The following ZYG11B variants were observed in gnomAD, a reference collection of about 807,000 sequenced individuals.
ZYG11B encodes protein zyg-11 homolog B.
ZYG11B carries 36 observed loss-of-function variants against 82.4 expected under a neutral mutation model. That is an observed-to-expected ratio of 0.44 (90% CI 0.33 to 0.58). ZYG11B has a LOEUF of 0.58. Ranked by LOEUF, ZYG11B falls within the 20% of genes least tolerant of loss-of-function variation. The pLI is 0.02. For synonymous variants in ZYG11B, 303 were observed against 312.8 expected (o/e 0.97, Z 0.33); for missense variants, 552 against 895.6 (o/e 0.62, Z 4.90).
chr1:52,744,877 G>A (rs1272093894), intron 1 of ZYG11B, among the ~76,000 whole-genome samples: 2 of 152,082 alleles, frequency 1.3e-5, no homozygotes, highest in African/African-American at 4.8e-5. Flanking sequence ...TCATTTTTGT[G>A]CCTCAGCTTT....
intron 10 of ZYG11B, among the ~76,000 whole-genome samples, chr1:52,802,477 A>G (rs1383705954): frequency 2.0e-5 from 3 of 149,716 alleles, no homozygotes; most frequent in African/African-American, 7.4e-5. Context: ...CAGTCTCCCT[A>G]GTAGGTGGGA....
chr1:52,786,486 C>A (rs1332137364), intron 5 of ZYG11B, among the ~76,000 whole-genome samples: 1 of 152,118 alleles, frequency 6.6e-6, no homozygotes. Context: ...CGGTGGCTCA[C>A]GCCTGTAATC....
intron 13 of ZYG11B, among the ~76,000 whole-genome samples, chr1:52,820,337 T>G (rs2149969196): frequency 6.6e-6 from 1 of 152,134 alleles, no homozygotes; most frequent in Admixed American, 6.6e-5. Context: ...TGGAATTCAC[T>G]TCTATTTGTA....
intron 8 of ZYG11B, 105 bp from the exon 9 acceptor site, chr1:52,801,714 C>T (rs934596434): frequency 2.2e-6 from 2 of 924,100 alleles, no homozygotes; most frequent in Non-Finnish European, 3.2e-6. Context: ...ACAGGAAATG[C>T]TTTAAGCCAT....
Position 52,732,554 on chromosome 1 carries a change from T to C in ZYG11B, c.30+5871T>C, listed in dbSNP as rs553348852. On this transcript the variant is annotated intron_variant, in intron 1 of 13. Transcript: ENST00000294353. Reference sequence around the variant, plus strand: ...GCAGACGGATCACGAGGTCAAGAGATTGAGACACTGTGATTACAGAGGTTA... The same window carrying C: ...GCAGACGGATCACGAGGTCAAGAGACTGAGACACTGTGATTACAGAGGTTA... 4.6e-5 allele frequency among the ~76,000 whole-genome samples: 7 copies of C among 151,926 alleles called. No homozygotes were observed. The South Asian group carries it at 1.0e-3, about 23-fold the overall frequency.
In ZYG11B at chr1:52,737,375, G is replaced by C. The variant is rs147598145; in HGVS notation, c.30+10692G>C. Reference sequence around the variant, plus strand: ...ATGAGGCTGGCTGTGTCTCCAGATTGTGAGCTCTTTGAGGGCAGGACAGTG... The same window carrying C: ...ATGAGGCTGGCTGTGTCTCCAGATTCTGAGCTCTTTGAGGGCAGGACAGTG... On this transcript the variant is annotated intron_variant, in intron 1 of 13. Transcript: ENST00000294353. 6.6e-3 allele frequency among the ~76,000 whole-genome samples: 1,010 copies of C among 152,292 alleles called. 9 individuals carry two copies. The highest frequency in any genetic ancestry group is 0.011 in the Non-Finnish European group (737 of 68,034).
chr1:52,815,286 G>C (rs1008008264), intron 12 of ZYG11B, among the ~76,000 whole-genome samples: 1 of 149,600 alleles, frequency 6.7e-6, no homozygotes, highest in Non-Finnish European at 1.5e-5. Flanking sequence ...AGTATCACTT[G>C]AGTTCAGGAG....
At chr1:52,796,412 T>G (rs1645006737) in intron 7 of ZYG11B, 21 bp downstream of exon 7, 7 of 1,585,208 alleles carry the variant, frequency 4.4e-6, no homozygotes, top group Non-Finnish European at 6.1e-6. Context: ...TCTTGCTGAA[T>G]AATTTTCTGT....
chr1:52,780,786 A>T (rs1644849484), intron 4 of ZYG11B, among the ~76,000 whole-genome samples: 1 of 152,170 alleles, frequency 6.6e-6, no homozygotes. Flanking sequence ...TAACCAAAAC[A>T]GCTTTTGAAG....
rs574876500 is a variant in ZYG11B, at chr1:52,765,935, A to G, written c.197-5085A>G. On this transcript the variant is annotated intron_variant, in intron 2 of 13. Transcript: ENST00000294353. ...TCTGTTCTTGTTATTTAAATTAGGT[A>G]ATTTATGTTGTTTTATCTTCTAGTT... Among the ~76,000 whole-genome samples the G allele has an allele frequency of 2.0e-5, 3 of 151,716 alleles. No homozygotes were observed. The South Asian group carries it at 6.3e-4, about 32-fold the overall frequency.
chr1:52,736,523 G>A (rs1320647449), intron 1 of ZYG11B, among the ~76,000 whole-genome samples: 2 of 151,964 alleles, frequency 1.3e-5, no homozygotes, highest in African/African-American at 2.4e-5. Context: ...CACCATCTCG[G>A]CTCACTGCAA....
chr1:52,776,229 A>AAAAAAAAATATATATATATATAT, intron 3 of ZYG11B, among the ~76,000 whole-genome samples: 9 of 23,536 alleles, frequency 3.8e-4, no homozygotes, highest in African/African-American at 4.7e-4. Context: ...TAAAAAAAAA[A>AAAAAAAAATATATATATATATAT]ATATATATAT....
chr1:52,745,394 A>C (rs1644467515), intron 1 of ZYG11B, among the ~76,000 whole-genome samples: 1 of 152,170 alleles, frequency 6.6e-6, no homozygotes, highest in Admixed American at 6.6e-5. Context: ...TCATTGCCCC[A>C]TGCTCTCTGG....
At chr1:52,797,369 TATATA>T (rs1413904992) in intron 8 of ZYG11B, among the ~76,000 whole-genome samples, 12 of 93,134 alleles carry the variant, frequency 1.3e-4, no homozygotes, top group Non-Finnish European at 2.3e-4. Context: ...ATACATATAA[TATATA>T]ATATATAATA....
chr1:52,741,314 A>G (rs1644428655), intron 1 of ZYG11B, among the ~76,000 whole-genome samples: 2 of 151,108 alleles, frequency 1.3e-5, no homozygotes, highest in Admixed American at 6.6e-5. Flanking sequence ...AAAAAAAAAA[A>G]AAAAAGAAAA....
At chr1:52,795,414 T>G (rs1237010289) in intron 6 of ZYG11B, among the ~76,000 whole-genome samples, 1 of 152,158 alleles carries the variant, frequency 6.6e-6, no homozygotes, top group Non-Finnish European at 1.5e-5. Flanking sequence ...CAGGTAGTTA[T>G]TTATAGCAAT....
intron 2 of ZYG11B, among the ~76,000 whole-genome samples, chr1:52,763,973 T>A (rs1644658671): frequency 1.3e-5 from 2 of 152,314 alleles, no homozygotes; most frequent in East Asian, 1.9e-4. Context: ...TATTTGTAGA[T>A]CACATTGCTG....
chr1:52,791,973 C>G (rs1644963722), intron 6 of ZYG11B, among the ~76,000 whole-genome samples: 1 of 152,142 alleles, frequency 6.6e-6, no homozygotes, highest in Non-Finnish European at 1.5e-5. Flanking sequence ...GCTATAGAGT[C>G]TCAGTTGCAG....
At chr1:52,727,792 G>T (rs921046286) in intron 1 of ZYG11B, among the ~76,000 whole-genome samples, 6 of 152,070 alleles carry the variant, frequency 3.9e-5, no homozygotes, top group Non-Finnish European at 8.8e-5. Flanking sequence ...TTTTTTCATT[G>T]AGTTGGGTTA....
Sources: allele counts gnomAD v4.1 joint callset (sites outside exome capture counted in the v4.1 genomes callset), GRCh38; gene constraint gnomAD v4.1.1; transcripts MANE v1.5; gene names NCBI Gene and HGNC (gene_info 2026-07-23, HGNC 2026-07-21).